DLC1: variants seen among roughly 807,000 people sequenced by gnomAD.
DLC1 encodes DLC1 Rho GTPase activating protein.
In DLC1, 54 loss-of-function variants were observed where a neutral mutation model predicts 140.3. The observed-to-expected ratio is 0.38, with a 90% CI of 0.31 to 0.48. The LOEUF (loss-of-function observed/expected upper bound fraction) is 0.48. Among genes scored for constraint, DLC1 ranks in the 20% least tolerant of loss-of-function variants. The pLI is 0.96. For synonymous variants in DLC1, 986 were observed against 728.1 expected (o/e 1.35, Z -5.70); for missense variants, 2,536 against 1,907.0 (o/e 1.33, Z -6.14).
intron 5 of DLC1, among the ~76,000 whole-genome samples, chr8:13,189,664 C>T (rs962981454): frequency 1.3e-5 from 2 of 152,140 alleles, no homozygotes; most frequent in African/African-American, 4.8e-5. Flanking sequence ...AGGTGGGTCA[C>T]CTGAGGTTAG....
intron 5 of DLC1, among the ~76,000 whole-genome samples, chr8:13,302,711 C>CAAAA (rs376892685): frequency 4.1e-4 from 50 of 122,494 alleles, no homozygotes; most frequent in South Asian, 1.7e-3. Flanking sequence ...TAGAAAGATA[C>CAAAA]AAAAAAAAAA....
At position 13,357,754 on chromosome 8, in the gene DLC1, A is replaced by G. The variant is rs1279772656; in HGVS notation, c.1314+35799T>C. 2.0e-5 allele frequency among the ~76,000 whole-genome samples: 3 copies of G among 152,204 alleles called. No homozygotes were observed. The East Asian group carries it at 5.8e-4, about 29-fold the overall frequency. On this transcript the variant is annotated intron_variant, in intron 4 of 17. Transcript: ENST00000276297. The stretch of plus-strand genomic sequence containing the variant: ...TAGTTGAGATATGTTTGCAATAGAT[A>G]TGTTGAACTCTTATGAAAATCCAGA...
intron 5 of DLC1, among the ~76,000 whole-genome samples, chr8:13,277,172 TGTG>T (rs1251322562): frequency 2.0e-5 from 3 of 151,932 alleles, no homozygotes; most frequent in African/African-American, 7.3e-5. Context: ...ATTAGGCGGG[TGTG>T]GTGGCATGCA....
At chr8:13,372,776 A>G (rs1296055021) in intron 4 of DLC1, among the ~76,000 whole-genome samples, 2 of 152,192 alleles carry the variant, frequency 1.3e-5, no homozygotes, top group African/African-American at 2.4e-5. Flanking sequence ...AGTTTTATTT[A>G]TATAGAAAAG....
At chr8:13,581,619 C>T (rs557588646) in intron 1 of DLC1, among the ~76,000 whole-genome samples, 2 of 152,216 alleles carry the variant, frequency 1.3e-5, no homozygotes, top group Non-Finnish European at 2.9e-5. Context: ...TATTGAATTA[C>T]ATGTCTAACT....
At chr8:13,182,433 C>G (rs1826097912) in intron 5 of DLC1, among the ~76,000 whole-genome samples, 1 of 152,102 alleles carries the variant, frequency 6.6e-6, no homozygotes, top group South Asian at 2.1e-4. Context: ...AGGTTTTCAT[C>G]TAGGGTTTTT....
rs59772687 is a variant in DLC1, at chr8:13,181,335, C to CT, written c.1349-65679dup. On this transcript the variant is annotated intron_variant, in intron 5 of 17. Transcript: ENST00000276297. ...ATTTCTTTTTTTTTTTTCTTTCTTT[C>CT]TTTTTTTTTTTTTAGTAATACTTTA... 8.9e-3 allele frequency among the ~76,000 whole-genome samples: 1,215 copies of CT among 136,140 alleles called. 18 individuals are homozygous for CT. Among genetic ancestry groups the CT allele is most frequent in the African/African-American group, 0.027 (1,036 of 37,808 alleles). 89.3% of individuals were successfully genotyped at this position (136,140 alleles called of 152,430 possible). A position where few individuals can be genotyped will look rare whatever the true frequency, so the allele number is the denominator to read the frequency against.
At chr8:13,187,511 T>C (rs530859481) in intron 5 of DLC1, among the ~76,000 whole-genome samples, 26 of 152,264 alleles carry the variant, frequency 1.7e-4, no homozygotes, top group African/African-American at 6.3e-4. Flanking sequence ...ACATACTCTG[T>C]GATTCTTTGA....
At chr8:13,247,463 T>C (rs1284606375) in intron 5 of DLC1, among the ~76,000 whole-genome samples, 1 of 152,198 alleles carries the variant, frequency 6.6e-6, no homozygotes, top group African/African-American at 2.4e-5. Context: ...TTATTTTTAG[T>C]GACTCATTTA....
At chr8:13,473,512 A>G (rs548127146) in intron 2 of DLC1, among the ~76,000 whole-genome samples, 4 of 152,296 alleles carry the variant, frequency 2.6e-5, no homozygotes, top group African/African-American at 9.6e-5. Context: ...TATATACCCA[A>G]AAATGTGGAA....
intron 2 of DLC1, 138 bp downstream of exon 2, chr8:13,498,911 A>G: frequency 1.1e-6 from 1 of 921,468 alleles, no homozygotes; most frequent in South Asian, 2.3e-5. Context: ...CCAAGTGGGT[A>G]GTCGTTGAAT....
intron 4 of DLC1, among the ~76,000 whole-genome samples, chr8:13,363,714 A>T (rs1835350683): frequency 6.6e-6 from 1 of 152,312 alleles, no homozygotes; most frequent in East Asian, 1.9e-4. Context: ...AATATCCTAC[A>T]ACTTTATTTT....
At position 13,412,789 on chromosome 8, in the gene DLC1, G is replaced by A. The variant is rs543073461; in HGVS notation, c.1024-11170C>T. On this transcript the variant is annotated intron_variant, in intron 2 of 17. Transcript: ENST00000276297. ...GTACTAAAAATACAAAAAATTAGCC[G>A]GGTGTGGTGGTGGGAGCCTGTAGTC... Among the ~76,000 whole-genome samples, 17 of 152,036 alleles carry A rather than the reference G, an allele frequency of 1.1e-4. 1 individual carries two copies. In the East Asian group the frequency reaches 1.2e-3, roughly 10 times the overall value.
At chr8:13,290,070 T>G (rs759737394) in intron 5 of DLC1, among the ~76,000 whole-genome samples, 2 of 152,200 alleles carry the variant, frequency 1.3e-5, no homozygotes, top group Non-Finnish European at 2.9e-5. Context: ...ATGAGCTTAG[T>G]GCATTTTATG....
intron 5 of DLC1, among the ~76,000 whole-genome samples, chr8:13,223,429 T>C (rs896491030): frequency 1.3e-5 from 2 of 152,220 alleles, no homozygotes; most frequent in African/African-American, 4.8e-5. Flanking sequence ...CCTTTCTTTT[T>C]GTGTTTATTT....
intron 1 of DLC1, among the ~76,000 whole-genome samples, chr8:13,512,321 C>G (rs1158244310): frequency 1.3e-5 from 2 of 152,098 alleles, no homozygotes; most frequent in African/African-American, 4.8e-5. Context: ...GAGAAAGGGT[C>G]TTGTCTGAGA....
chr8:13,132,951 G>A, intron 5 of DLC1: 3 of 1,610,130 alleles, frequency 1.9e-6, no homozygotes, highest in Non-Finnish European at 2.5e-6. Flanking sequence ...TACGTGTTAG[G>A]ATCATGGTGT....
intron 4 of DLC1, among the ~76,000 whole-genome samples, chr8:13,384,428 A>G (rs986206980): frequency 6.6e-6 from 1 of 152,212 alleles, no homozygotes; most frequent in Non-Finnish European, 1.5e-5. Context: ...TACAAATACA[A>G]GTGGGAGAAT....
intron 4 of DLC1, among the ~76,000 whole-genome samples, chr8:13,324,499 G>A (rs949629140): frequency 2.3e-4 from 34 of 148,658 alleles, no homozygotes; most frequent in Non-Finnish European, 4.4e-4. Context: ...ACCTGGGAGT[G>A]GAGCTTGCAG....
Sources: allele counts gnomAD v4.1 joint callset (sites outside exome capture counted in the v4.1 genomes callset), GRCh38; gene constraint gnomAD v4.1.1; transcripts MANE v1.5; gene names NCBI Gene and HGNC (gene_info 2026-07-23, HGNC 2026-07-21).